The following PHACTR2 variants were observed in gnomAD, a reference collection of about 807,000 sequenced individuals.
PHACTR2 encodes phosphatase and actin regulator 2, also known as chromosome 6 open reading frame 56.
Under a neutral mutation model 76.0 loss-of-function variants are expected in PHACTR2, and 30 were observed. The observed-to-expected ratio is 0.39, with a 90% confidence interval of 0.30 to 0.54. The LOEUF (loss-of-function observed/expected upper bound fraction) is 0.54. PHACTR2 is among the 20% of genes least tolerant of loss of function. The probability of loss-of-function intolerance (pLI) is 0.61; values close to 1 mark genes in which losing one functional copy is unlikely to be tolerated. For missense variants in PHACTR2, 696 were observed against 781.1 expected (o/e 0.89, Z 1.30); for synonymous variants, 292 against 292.5 (o/e 1.00, Z 0.02).
intron 1 of PHACTR2, among the ~76,000 whole-genome samples, chr6:143,655,049 T>G (rs1562260652): frequency 6.7e-6 from 1 of 149,344 alleles, no homozygotes; most frequent in East Asian, 2.0e-4. Flanking sequence ...CCCAGCTACT[T>G]GGGAGGATGA....
At chr6:143,666,446 T>A (rs1320423615) in intron 1 of PHACTR2, among the ~76,000 whole-genome samples, 5 of 152,236 alleles carry the variant, frequency 3.3e-5, no homozygotes, top group Admixed American at 6.5e-5. Context: ...CCTTGAAGAA[T>A]CACCACAGTG....
At position 143,583,194 on chromosome 6, in the gene PHACTR2, T is replaced by A. The variant is rs1012101187; in HGVS notation, c.217+45987T>A. Among the ~76,000 whole-genome samples, 15 of 152,212 alleles carry A rather than the reference T, an allele frequency of 9.9e-5. No homozygotes were observed. The highest frequency in any genetic ancestry group is 3.6e-4 in the African/African-American group (15 of 41,458). On this transcript the variant is annotated intron_variant, in intron 1 of 11. Coordinates refer to the PHACTR2 transcript ENST00000367584. The surrounding 1 kb of genome is among the most constrained non-coding windows in gnomAD (Gnocchi z 4.0). ...TGTGAATTCACCATGGCCACGGTAG[T>A]GATAAAGAGCATTCCTCCACAATCC... is the stretch of plus-strand genomic sequence containing the variant.
Position 143,742,326 on chromosome 6 carries a change from C to T in PHACTR2, c.215-6659C>T, listed in dbSNP as rs2180032. 0.53 allele frequency among the ~76,000 whole-genome samples: 80,869 copies of T among 151,618 alleles called. 21,816 individuals are homozygous for T. Among genetic ancestry groups the T allele is most frequent in the African/African-American group, 0.63 (25,870 of 41,266 alleles). Reference sequence around the variant, plus strand: ...CCCTCTTTTGAGTCTGTATTTCCTCCCTGTTGGCTTTTGTTGTTGTTGTGG... The same window carrying T: ...CCCTCTTTTGAGTCTGTATTTCCTCTCTGTTGGCTTTTGTTGTTGTTGTGG... On this transcript the variant is annotated intron_variant, in intron 2 of 12. Transcript: ENST00000440869. This position sits in a 1 kb window ranked among gnomAD's most constrained non-coding sequence, Gnocchi z 4.5.
rs1361393118 is a variant in PHACTR2 at position 143,608,710 on chromosome 6, A to G, written c.13+388A>G. Among the ~76,000 whole-genome samples, 1 of 152,222 alleles carries G rather than the reference A, an allele frequency of 6.6e-6. No homozygotes were observed. Among genetic ancestry groups the G allele is most frequent in the Non-Finnish European group, 1.5e-5 (1 of 68,036 alleles). On this transcript the variant is annotated intron_variant, in intron 1 of 11. Coordinates refer to the PHACTR2 transcript ENST00000305766. The surrounding 1 kb of genome is among the most constrained non-coding windows in gnomAD (Gnocchi z 4.6). ...TGAGCTGAGCAAAAATTCTGTGTAAATATTACAATATGCACAGTGTAACAG... is the reference window on the plus strand; with the variant it reads ...TGAGCTGAGCAAAAATTCTGTGTAAGTATTACAATATGCACAGTGTAACAG...
chr6:143,581,677 G>A lies in PHACTR2; in HGVS notation c.217+44470G>A, dbSNP rs75151826. Among the ~76,000 whole-genome samples the A allele has an allele frequency of 0.014, 2,151 of 152,078 alleles. 67 individuals are homozygous for A. Among genetic ancestry groups the A allele is most frequent in the African/African-American group, 0.048 (2,002 of 41,476 alleles). On this transcript the variant is annotated intron_variant, in intron 1 of 11. Transcript: ENST00000367584. This position sits in a 1 kb window ranked among gnomAD's most constrained non-coding sequence, Gnocchi z 4.5. ...AAACCCTGTCTCTACCAAAAAATAC[G>A]AACATTAGCTGGACATGGTGGTGGG...
rs1249012484 is a variant in PHACTR2 at position 143,623,074 on chromosome 6, G to A, written c.13+14752G>A. Among the ~76,000 whole-genome samples the A allele has an allele frequency of 6.6e-6, 1 of 152,064 alleles. No homozygotes were observed. On this transcript the variant is annotated intron_variant, in intron 1 of 11. Coordinates refer to the PHACTR2 transcript ENST00000305766. The surrounding 1 kb of genome is among the most constrained non-coding windows in gnomAD (Gnocchi z 5.9). ...TAACACTGATGTCAAATATGCCGGT[G>A]AAGAGTTTGAATAAAATGTTTTCAG...
At chr6:143,667,361 G>A (rs1024110436) in intron 1 of PHACTR2, among the ~76,000 whole-genome samples, 2 of 152,172 alleles carry the variant, frequency 1.3e-5, no homozygotes, top group African/African-American at 2.4e-5. Flanking sequence ...GGCTATACAA[G>A]TTCTTTTTTG....
intron 1 of PHACTR2, among the ~76,000 whole-genome samples, chr6:143,577,792 G>C (rs1276723664): frequency 1.3e-5 from 2 of 151,394 alleles, no homozygotes; most frequent in Non-Finnish European, 2.9e-5. Context: ...AAGTGAGAGA[G>C]GAGAGATGCA....
rs529610003 is a variant in PHACTR2 at position 143,611,689 on chromosome 6, T to C, written c.13+3367T>C. On this transcript the variant is annotated intron_variant, in intron 1 of 11. Transcript: ENST00000305766. This position sits in a 1 kb window ranked among gnomAD's most constrained non-coding sequence, Gnocchi z 4.4. ...GGCGTTTTAGAGAGTCATCAAAAGATTGAAGCAGGTTGCTTTATGAACAAA... is the reference window on the plus strand; with the variant it reads ...GGCGTTTTAGAGAGTCATCAAAAGACTGAAGCAGGTTGCTTTATGAACAAA... Among the ~76,000 whole-genome samples the C allele has an allele frequency of 6.6e-6, 1 of 152,304 alleles. No individual in the cohort carries two copies. The highest frequency in any genetic ancestry group is 2.4e-5 in the African/African-American group (1 of 41,558).
rs900613354 is a variant in PHACTR2, at chr6:143,595,681, C to G, written c.217+58474C>G. Reference sequence around the variant, plus strand: ...AGGGAACAGAGTCCTACATTAGTTCCAGTACCCAGCCCTCTTTCGTGAAGA... The same window carrying G: ...AGGGAACAGAGTCCTACATTAGTTCGAGTACCCAGCCCTCTTTCGTGAAGA... On this transcript the variant is annotated intron_variant, in intron 1 of 11. Coordinates refer to the PHACTR2 transcript ENST00000367584. The surrounding 1 kb of genome is among the most constrained non-coding windows in gnomAD (Gnocchi z 4.2). Among the ~76,000 whole-genome samples, 4 of 152,162 alleles carry G rather than the reference C, an allele frequency of 2.6e-5. No homozygotes were observed. Among genetic ancestry groups the G allele is most frequent in the African/African-American group, 9.7e-5 (4 of 41,426 alleles).
In PHACTR2 at chr6:143,679,880, A is replaced by T. The variant is rs1175079591; in HGVS notation, c.46+1671A>T. On this transcript the variant is annotated intron_variant, in intron 1 of 12. Transcript: ENST00000440869. This position sits in a 1 kb window ranked among gnomAD's most constrained non-coding sequence, Gnocchi z 4.6. The stretch of plus-strand genomic sequence containing the variant: ...AAAAATTTATGCTTGATCATGAAAG[A>T]TAATTCAGAGAAATATCTCACGGAA... Among the ~76,000 whole-genome samples, 1 of 152,226 alleles carries T rather than the reference A, an allele frequency of 6.6e-6. No individual in the cohort carries two copies. Among genetic ancestry groups the T allele is most frequent in the Non-Finnish European group, 1.5e-5 (1 of 68,042 alleles).
intron 11 of PHACTR2, among the ~76,000 whole-genome samples, chr6:143,790,759 C>T (rs1395565500): frequency 5.9e-5 from 9 of 151,822 alleles, no homozygotes; most frequent in East Asian, 1.9e-4. Flanking sequence ...CTGCAAGCTC[C>T]ACCTCCTGTG....
At position 143,803,783 on chromosome 6, in the gene PHACTR2, TA is replaced by T. The variant is rs1172966887; in HGVS notation, c.1846-3272del. On this transcript the variant is annotated intron_variant, in intron 11 of 12. Coordinates refer to ENST00000440869, the MANE Select transcript of PHACTR2 (RefSeq NM_001100164.2). This position sits in a 1 kb window ranked among gnomAD's most constrained non-coding sequence, Gnocchi z 4.7. ...AATAGGAATACCACTACTAAAACCATAATGCTATAAATAGAATGATGTCTTT... is the reference window on the plus strand; with the variant it reads ...AATAGGAATACCACTACTAAAACCATATGCTATAAATAGAATGATGTCTTT... Among the ~76,000 whole-genome samples, 2 of 152,188 alleles carry T rather than the reference TA, an allele frequency of 1.3e-5. No homozygotes were observed. Among genetic ancestry groups the T allele is most frequent in the African/African-American group, 4.8e-5 (2 of 41,452 alleles).
rs567181909 is a variant in PHACTR2, at chr6:143,659,629, C to T, written c.13+51307C>T. The stretch of plus-strand genomic sequence containing the variant: ...TAAAGCCAGGTGAAGAGCCAGTGTC[C>T]CCTAGCAAGACAGACGTGCCCTCTC... On this transcript the variant is annotated intron_variant, in intron 1 of 11. Transcript: ENST00000305766. The surrounding 1 kb of genome is among the most constrained non-coding windows in gnomAD (Gnocchi z 5.0). Among the ~76,000 whole-genome samples the T allele has an allele frequency of 1.4e-4, 22 of 152,278 alleles. No individual in the cohort carries two copies. Among genetic ancestry groups the T allele is most frequent in the African/African-American group, 5.1e-4 (21 of 41,560 alleles).
At chr6:143,762,335 C>G (rs1351234886) in intron 5 of PHACTR2, among the ~76,000 whole-genome samples, 1 of 152,164 alleles carries the variant, frequency 6.6e-6, no homozygotes, top group Non-Finnish European at 1.5e-5. Context: ...CAGGGGACAG[C>G]TTTCATAAAC....
rs1293452961 is a variant in PHACTR2 at position 143,700,261 on chromosome 6, CTG to C, written c.47-11752_47-11751del. Among the ~76,000 whole-genome samples the C allele has an allele frequency of 2.6e-5, 4 of 152,126 alleles. No individual in the cohort carries two copies. The highest frequency in any genetic ancestry group is 2.1e-4 in the South Asian group (1 of 4,830). On this transcript the variant is annotated intron_variant, in intron 1 of 12. Coordinates refer to ENST00000440869, the MANE Select transcript of PHACTR2 (RefSeq NM_001100164.2). This position sits in a 1 kb window ranked among gnomAD's most constrained non-coding sequence, Gnocchi z 4.1. Reference sequence around the variant, plus strand: ...CAAAATTTAGCCCCTTACTTAAAAACTGTGATATTTCAGCCAGGCGCGGTGGC... The same window carrying C: ...CAAAATTTAGCCCCTTACTTAAAAACTGATATTTCAGCCAGGCGCGGTGGC...
At chr6:143,796,097 C>G (rs1775814869) in intron 11 of PHACTR2, among the ~76,000 whole-genome samples, 1 of 152,214 alleles carries the variant, frequency 6.6e-6, no homozygotes, top group African/African-American at 2.4e-5. Context: ...GACAAACTGT[C>G]TTTCCAGGAA....
At chr6:143,594,085 AT>A in intron 1 of PHACTR2, among the ~76,000 whole-genome samples, 1 of 152,360 alleles carries the variant, frequency 6.6e-6, no homozygotes, top group Admixed American at 6.5e-5. Context: ...CCAATATGAA[AT>A]AGTGATACCA....
chr6:143,732,564 A>C (rs2128465964), intron 2 of PHACTR2, among the ~76,000 whole-genome samples: 1 of 152,316 alleles, frequency 6.6e-6, no homozygotes, highest in African/African-American at 2.4e-5. Context: ...GCTATTATGA[A>C]TAATGTTGCT....
Sources: gnomAD v4.1 joint callset for allele counts (sites outside exome capture counted in the v4.1 genomes callset) on GRCh38, gnomAD v4.1.1 for gene constraint, Gnocchi (gnomAD v3.1) non-coding constraint, MANE v1.5 for transcripts, NCBI Gene and HGNC (gene_info 2026-07-23, HGNC 2026-07-21) for gene names.